The following PCBP3 variants were observed in gnomAD, a reference collection of about 807,000 sequenced individuals.
The protein encoded by PCBP3 is poly(rC) binding protein 3.
PCBP3 carries 25 observed loss-of-function variants against 52.7 expected under a neutral mutation model. That is an observed-to-expected ratio of 0.47 (90% CI 0.35 to 0.66). The LOEUF (loss-of-function observed/expected upper bound fraction) is 0.66, where lower values mean the gene tolerates loss of function less well. Ranked by LOEUF, PCBP3 falls within the 30% of genes least tolerant of loss-of-function variation. The probability of loss-of-function intolerance (pLI) is 0.01; values close to 1 mark genes in which losing one functional copy is unlikely to be tolerated. For missense variants in PCBP3, 391 were observed against 490.3 expected (o/e 0.80, Z 1.91); for synonymous variants, 162 against 183.0 (o/e 0.89, Z 0.93).
chr21:45,687,303 C>G (rs1012193893), intron 2 of PCBP3, among the ~76,000 whole-genome samples: 3 of 151,822 alleles, frequency 2.0e-5, no homozygotes, highest in Non-Finnish European at 4.4e-5. Flanking sequence ...GAATTTGTCA[C>G]CAGCAAATTT....
intron 4 of PCBP3, among the ~76,000 whole-genome samples, chr21:45,814,976 GA>G (rs1408158783): frequency 1.0e-5 from 1 of 96,136 alleles, no homozygotes; most frequent in African/African-American, 4.1e-5. Context: ...GGTGAGTGAT[GA>G]GTGAGTGGTG....
intron 4 of PCBP3, among the ~76,000 whole-genome samples, chr21:45,813,810 G>A (rs959780744): frequency 3.9e-5 from 6 of 152,146 alleles, no homozygotes; most frequent in African/African-American, 1.4e-4. Flanking sequence ...ACCCCAATGT[G>A]TCTGCCATCT....
Position 45,830,808 on chromosome 21 carries a change from A to T in PCBP3, c.-125-19153A>T, listed in dbSNP as rs1367733120. On this transcript the variant is annotated intron_variant, in intron 4 of 17. Transcript: ENST00000681687. The surrounding 1 kb of genome is among the most constrained non-coding windows in gnomAD (Gnocchi z 4.4). ...ATACGAACATTTATAAGCCAGTATTATGATGCCGAAAATGTTTCATGATGA... is the reference window on the plus strand; with the variant it reads ...ATACGAACATTTATAAGCCAGTATTTTGATGCCGAAAATGTTTCATGATGA... 6.6e-6 allele frequency: 1 copy of T among 152,262 alleles called. No individual in the cohort carries two copies. Among genetic ancestry groups the T allele is most frequent in the Non-Finnish European group, 1.5e-5 (1 of 68,046 alleles). 9.4% of individuals were successfully genotyped at this position (152,262 alleles called of 1,614,324 possible).
chr21:45,878,913 C>T (rs1322306621), intron 5 of PCBP3, among the ~76,000 whole-genome samples: 1 of 152,190 alleles, frequency 6.6e-6, no homozygotes, highest in Non-Finnish European at 1.5e-5. Flanking sequence ...CACCGTGCTC[C>T]AGGAGGAAGG....
intron 4 of PCBP3, among the ~76,000 whole-genome samples, chr21:45,765,432 C>T (rs966607311): frequency 2.6e-5 from 4 of 152,206 alleles, no homozygotes; most frequent in Non-Finnish European, 5.9e-5. Flanking sequence ...AATAGGAGGA[C>T]AGCTCAAATA....
In PCBP3 at chr21:45,790,561, G is replaced by C. The variant is rs142082670; in HGVS notation, c.-126+35109G>C. 3.4e-3 allele frequency among the ~76,000 whole-genome samples: 524 copies of C among 152,284 alleles called. 3 individuals are homozygous for C. The highest frequency in any genetic ancestry group is 0.012 in the African/African-American group (493 of 41,562). ...GGTCATCCGGGGGCGTCTGTGGAGA[G>C]AAGAGGAGCAAGGACCCAGGCCTGG... On this transcript the variant is annotated intron_variant, in intron 4 of 17. Transcript: ENST00000681687.
chr21:45,666,493 A>C (rs1377778647), intron 1 of PCBP3, among the ~76,000 whole-genome samples: 1 of 152,052 alleles, frequency 6.6e-6, no homozygotes, highest in Non-Finnish European at 1.5e-5. Flanking sequence ...AGTGTCCTTT[A>C]ATTTAAGCCT....
intron 16 of PCBP3, among the ~76,000 whole-genome samples, chr21:45,935,906 C>T (rs1470328991): frequency 1.3e-5 from 2 of 152,266 alleles, no homozygotes; most frequent in South Asian, 4.1e-4. Context: ...GGACTATTCT[C>T]TGAATGCTTG....
At chr21:45,848,049 C>T (rs2093853499) in intron 4 of PCBP3, 1 of 152,166 alleles carries the variant, frequency 6.6e-6, no homozygotes, top group Admixed American at 6.5e-5. Flanking sequence ...CTGCAGTGTT[C>T]CTTATGCAGT....
At chr21:45,646,107 C>CTCTCTCTCTCTGTGTG (rs1555895746) in intron 1 of PCBP3, among the ~76,000 whole-genome samples, 1 of 83,822 alleles carries the variant, frequency 1.2e-5, no homozygotes. Context: ...CTCTCTCTCT[C>CTCTCTCTCTCTGTGTG]TGTGTGTGTG....
intron 2 of PCBP3, among the ~76,000 whole-genome samples, chr21:45,696,416 A>G (rs2082776952): frequency 6.6e-6 from 1 of 152,184 alleles, no homozygotes; most frequent in Non-Finnish European, 1.5e-5. Flanking sequence ...ATGCACCAAG[A>G]AAAGATGTTT....
At chr21:45,900,237 G>T (rs1200831055) in intron 7 of PCBP3, among the ~76,000 whole-genome samples, 1 of 152,230 alleles carries the variant, frequency 6.6e-6, no homozygotes, top group African/African-American at 2.4e-5. Flanking sequence ...CCGGGAGGCT[G>T]AGCCAGAGTG....
chr21:45,809,039 G>T (rs368079088), intron 4 of PCBP3, among the ~76,000 whole-genome samples: 2 of 152,056 alleles, frequency 1.3e-5, no homozygotes, highest in Admixed American at 6.5e-5. Context: ...GGGCCTGTTG[G>T]GGGGTGGGGG....
chr21:45,818,086 G>A (rs553320904), intron 4 of PCBP3, among the ~76,000 whole-genome samples: 193 of 152,034 alleles, frequency 1.3e-3, no homozygotes, highest in African/African-American at 4.5e-3. Context: ...GCAGTGGTGC[G>A]ATCTTGGCTC....
At position 45,834,912 on chromosome 21, in the gene PCBP3, G is replaced by A. The variant is rs544943814; in HGVS notation, c.-125-15049G>A. 1.6e-4 allele frequency among the ~76,000 whole-genome samples: 24 copies of A among 152,352 alleles called. No homozygotes were observed. The East Asian group carries it at 3.7e-3, about 23-fold the overall frequency. ...TCGGGAGGCCTGCGGCAGCAGGAAT[G>A]GGGAGGCACCGTGAGTCCCTCAAAG... is the stretch of plus-strand genomic sequence containing the variant. On this transcript the variant is annotated intron_variant, in intron 4 of 17. Transcript: ENST00000681687.
At chr21:45,743,982 T>C (rs978417619) in intron 3 of PCBP3, among the ~76,000 whole-genome samples, 4 of 152,042 alleles carry the variant, frequency 2.6e-5, no homozygotes, top group Admixed American at 2.6e-4. Context: ...TGGAGACTGA[T>C]TTTTTAGTGT....
At position 45,910,882 on chromosome 21, in the gene PCBP3, C is replaced by T; in HGVS notation, c.472-20C>T. The T allele has an allele frequency of 1.9e-6, 3 of 1,583,776 alleles. No homozygotes were observed. On this transcript the variant is annotated intron_variant, in intron 10 of 17. Transcript: ENST00000681687. Reference sequence around the variant, plus strand: ...TGCGCTGCTACCCTGGTGCTCCCTTCCAATGTCCCCTCTCTCCAGTCCACA... The same window carrying T: ...TGCGCTGCTACCCTGGTGCTCCCTTTCAATGTCCCCTCTCTCCAGTCCACA...
intron 16 of PCBP3, among the ~76,000 whole-genome samples, chr21:45,936,548 C>A (rs1451923409): frequency 2.6e-5 from 4 of 152,226 alleles, no homozygotes; most frequent in Non-Finnish European, 5.9e-5. Context: ...GCCAACTGGT[C>A]CCTGCATTCT....
At chr21:45,739,587 C>G (rs1477872420) in intron 3 of PCBP3, among the ~76,000 whole-genome samples, 9 of 7,938 alleles carry the variant, frequency 1.1e-3, no homozygotes, top group East Asian at 1.6e-3. Flanking sequence ...CCTCTGGGTG[C>G]CCCCCCCCAT....
Sources: gnomAD v4.1 joint callset for allele counts (sites outside exome capture counted in the v4.1 genomes callset) on GRCh38, gnomAD v4.1.1 for gene constraint, Gnocchi (gnomAD v3.1) non-coding constraint, MANE v1.5 for transcripts, NCBI Gene and HGNC (gene_info 2026-07-23, HGNC 2026-07-21) for gene names.